ADARB2: variants seen among roughly 807,000 people sequenced by gnomAD.
ADARB2 encodes inactive double-stranded RNA-specific editase B2.
ADARB2 carries 25 observed loss-of-function variants against 62.2 expected under a neutral mutation model. The ratio of observed to expected loss-of-function variants is 0.40; its 90% CI spans 0.29 to 0.56. The LOEUF is 0.56. ADARB2 is among the 20% of genes least tolerant of loss of function. The probability of loss-of-function intolerance (pLI) is 0.43; values close to 1 mark genes in which losing one functional copy is unlikely to be tolerated. For missense variants in ADARB2, 1,071 were observed against 1,077.4 expected, an observed-to-expected ratio of 0.99 and a Z score of 0.08; for synonymous variants, 572 against 500.8, an observed-to-expected ratio of 1.14 and a Z score of -1.90.
chr10:1,225,970 G>A (rs1830742030), intron 6 of ADARB2, among the ~76,000 whole-genome samples: 1 of 152,046 alleles, frequency 6.6e-6, no homozygotes, highest in Admixed American at 6.5e-5. Flanking sequence ...TTGCTAGATT[G>A]GGGAAGTTCT....
rs112800097 is a variant in ADARB2, at chr10:1,726,152, T to C, written c.100+10899A>G. Among the ~76,000 whole-genome samples the C allele has an allele frequency of 2.3e-3, 351 of 152,314 alleles. 1 individual carries two copies. The highest frequency in any genetic ancestry group is 7.4e-3 in the African/African-American group (307 of 41,564). On this transcript the variant is annotated intron_variant, in intron 1 of 9. Coordinates refer to ENST00000381312, the MANE Select transcript of ADARB2 (RefSeq NM_018702.4). ...CCTGTGGCCAAAAATGAGCAGAGCCTAGGCAAGTAGCACATATGACAGAAT... is the reference window on the plus strand; with the variant it reads ...CCTGTGGCCAAAAATGAGCAGAGCCCAGGCAAGTAGCACATATGACAGAAT...
At chr10:1,351,442 A>G (rs937357655) in intron 3 of ADARB2, among the ~76,000 whole-genome samples, 1 of 151,622 alleles carries the variant, frequency 6.6e-6, no homozygotes, top group African/African-American at 2.4e-5. Context: ...TCTGGTGCCA[A>G]CTTAGACAAT....
chr10:1,200,120 C>G lies in ADARB2; in HGVS notation c.1710G>C (p.Ala570=), dbSNP rs138375235. The change falls in exon 8 of 10, where the codon GCG becomes GCC. Residue 570 remains alanine (A), a synonymous_variant. Coordinates refer to ENST00000381312, the MANE Select transcript of ADARB2 (RefSeq NM_018702.4). Reference sequence around the variant, plus strand: ...CGGGCTCCACGAAGTGGGACAGGAGCGCGCCCTGCAGCCCCAGGACGTTCC... The same window carrying G: ...CGGGCTCCACGAAGTGGGACAGGAGGGCGCCCTGCAGCCCCAGGACGTTCC... ...ARWNVLGLQG[A]LLSHFVEPVY... 1.9e-6 allele frequency: 3 copies of G among 1,552,406 alleles called. No individual in the cohort carries two copies. Among genetic ancestry groups the G allele is most frequent in the East Asian group, 2.4e-5 (1 of 41,022 alleles).
chr10:1,518,370 A>T (rs1168989657), intron 1 of ADARB2, among the ~76,000 whole-genome samples: 1 of 152,158 alleles, frequency 6.6e-6, no homozygotes, highest in Non-Finnish European at 1.5e-5. Flanking sequence ...ATTTCCCTTC[A>T]CAACTGTACC....
chr10:1,374,920 G>T (rs1336877159), intron 2 of ADARB2, among the ~76,000 whole-genome samples: 1 of 151,978 alleles, frequency 6.6e-6, no homozygotes, highest in African/African-American at 2.4e-5. Context: ...AGGTGCCTGG[G>T]TTCTCCAGGG....
At chr10:1,634,371 G>A (rs1382629526) in intron 1 of ADARB2, among the ~76,000 whole-genome samples, 3 of 152,188 alleles carry the variant, frequency 2.0e-5, no homozygotes, top group Admixed American at 2.0e-4. Context: ...TCCAGCCTAG[G>A]CAAGGGCAAG....
intron 3 of ADARB2, among the ~76,000 whole-genome samples, chr10:1,289,354 C>T (rs763871493): frequency 1.3e-5 from 2 of 152,252 alleles, no homozygotes; most frequent in Non-Finnish European, 2.9e-5. Context: ...GGGCACATGG[C>T]GTCAGGACCT....
chr10:1,250,916 A>G (rs1034084995), intron 4 of ADARB2, among the ~76,000 whole-genome samples: 3 of 152,174 alleles, frequency 2.0e-5, no homozygotes, highest in Non-Finnish European at 4.4e-5. Context: ...CAAAGTGGGG[A>G]GTCCAGAAAT....
intron 1 of ADARB2, among the ~76,000 whole-genome samples, chr10:1,482,698 A>G (rs1306083578): frequency 6.6e-6 from 1 of 152,128 alleles, no homozygotes; most frequent in Non-Finnish European, 1.5e-5. Flanking sequence ...AAGATGAAAC[A>G]CCCACATACC....
intron 3 of ADARB2, among the ~76,000 whole-genome samples, chr10:1,306,329 A>G (rs1183030711): frequency 6.6e-6 from 1 of 152,072 alleles, no homozygotes; most frequent in East Asian, 1.9e-4. Context: ...AGACAATAAA[A>G]TACCTAGGAA....
intron 1 of ADARB2, among the ~76,000 whole-genome samples, chr10:1,563,392 G>A (rs11250625): frequency 0.28 from 42,957 of 151,978 alleles, 7,386 homozygotes; most frequent in East Asian, 0.6. Context: ...GTGTCCCTGC[G>A]TCCCCCTCAT....
chr10:1,720,321 C>T (rs897816093), intron 1 of ADARB2, among the ~76,000 whole-genome samples: 13 of 152,138 alleles, frequency 8.5e-5, no homozygotes, highest in Non-Finnish European at 1.6e-4. Context: ...GGGAGGTAAA[C>T]ACTGAGTATT....
chr10:1,343,517 A>T (rs1402472132), intron 3 of ADARB2, among the ~76,000 whole-genome samples: 2 of 152,242 alleles, frequency 1.3e-5, no homozygotes, highest in African/African-American at 4.8e-5. Flanking sequence ...CAACCCCATT[A>T]CTGGGTATAT....
intron 1 of ADARB2, among the ~76,000 whole-genome samples, chr10:1,612,550 T>G (rs904836794): frequency 6.6e-6 from 1 of 152,262 alleles, no homozygotes; most frequent in East Asian, 1.9e-4. Context: ...GCCTCTATTA[T>G]TGTCCTTGTT....
At position 1,182,011 on chromosome 10, in the gene ADARB2, G is replaced by T. The variant is rs1420814225; in HGVS notation, c.*1182C>A. 6.6e-6 allele frequency: 1 copy of T among 152,350 alleles called. No homozygotes were observed. Among genetic ancestry groups the T allele is most frequent in the South Asian group, 2.1e-4 (1 of 4,830 alleles). The allele number at this position is 152,350 out of a possible 1,614,324, so 9.4% of individuals were successfully genotyped here. On this transcript the variant is annotated 3_prime_UTR_variant, in exon 10 of 10. Transcript: ENST00000381312. ...TGAAGGTCTCTGGTGTTGGAAGCCTGCTCTGAGGGTCACAGAATCCTGCCT... is the reference window on the plus strand; with the variant it reads ...TGAAGGTCTCTGGTGTTGGAAGCCTTCTCTGAGGGTCACAGAATCCTGCCT...
chr10:1,507,887 C>T (rs1436599307), intron 1 of ADARB2, among the ~76,000 whole-genome samples: 1 of 152,174 alleles, frequency 6.6e-6, no homozygotes, highest in Non-Finnish European at 1.5e-5. Flanking sequence ...CCGTCTTCTC[C>T]AGGGTGGGAC....
intron 1 of ADARB2, among the ~76,000 whole-genome samples, chr10:1,409,490 G>T (rs576633247): frequency 9.0e-4 from 136 of 151,662 alleles, no homozygotes; most frequent in African/African-American, 3.2e-3. Flanking sequence ...TGGTCATGGG[G>T]AAGGATTCTC....
At chr10:1,709,720 G>A (rs1425250038) in intron 1 of ADARB2, among the ~76,000 whole-genome samples, 1 of 152,150 alleles carries the variant, frequency 6.6e-6, no homozygotes, top group Admixed American at 6.5e-5. Context: ...CTTTCTCTCT[G>A]TATAGATGAC....
intron 1 of ADARB2, among the ~76,000 whole-genome samples, chr10:1,504,782 T>C (rs1467123187): frequency 6.6e-6 from 1 of 152,212 alleles, no homozygotes; most frequent in East Asian, 1.9e-4. Context: ...TTACTATTCA[T>C]TTTTTGCTAT....
Sources: allele counts gnomAD v4.1 joint callset (sites outside exome capture counted in the v4.1 genomes callset), GRCh38; gene constraint gnomAD v4.1.1; transcripts MANE v1.5; gene names NCBI Gene and HGNC (gene_info 2026-07-23, HGNC 2026-07-21).